BRD9: variants seen among roughly 807,000 people sequenced by gnomAD.
The protein encoded by BRD9 is bromodomain-containing protein 9.
A neutral mutation model predicts 68.7 loss-of-function variants in BRD9; 47 were observed. That is an observed-to-expected ratio of 0.68 (90% confidence interval 0.54 to 0.87). The LOEUF (loss-of-function observed/expected upper bound fraction) is 0.87. BRD9 is among the 40% of genes least tolerant of loss of function. BRD9 has a pLI of 0.00. For missense variants in BRD9, 670 were observed against 748.4 expected (o/e 0.90, Z 1.22); for synonymous variants, 313 against 293.9 (o/e 1.06, Z -0.67).
At position 891,808 on chromosome 5, in the gene BRD9, C is replaced by T; in HGVS notation, c.99G>A (p.Lys33=). The change falls in exon 2 of 16, where the codon AAG becomes AAA. Residue 33 remains lysine, a synonymous_variant. Transcript: ENST00000467963. ...PLEKPLKLVL[K]VGGSEVTELS... is the part of the protein sequence containing the mutation. ...GTTCAGTCACTTCACTTCCTCCGACCTTCAGGACTAGCTTTAGAGGCTTCT... is the reference window on the plus strand; with the variant it reads ...GTTCAGTCACTTCACTTCCTCCGACTTTCAGGACTAGCTTTAGAGGCTTCT... 1.3e-6 allele frequency: 2 copies of T among 1,551,640 alleles called. No individual in the cohort carries two copies. The highest frequency in any genetic ancestry group is 1.7e-6 in the Non-Finnish European group (2 of 1,146,996).
intron 8 of BRD9, chr5:883,431 C>T: frequency 2.2e-6 from 1 of 456,992 alleles, no homozygotes; most frequent in Non-Finnish European, 4.4e-6. Context: ...CCACTGAAGA[C>T]ACTGGGTCTA....
At chr5:865,750 G>A in intron 14 of BRD9, 169 bp from the exon 15 acceptor site, 1 of 694,342 alleles carries the variant, frequency 1.4e-6, no homozygotes, top group East Asian at 2.8e-5. Context: ...CTGGAGGACA[G>A]ACATTACCCT....
intron 7 of BRD9, among the ~76,000 whole-genome samples, chr5:884,401 C>G (rs1458421688): frequency 6.6e-6 from 1 of 152,246 alleles, no homozygotes; most frequent in Non-Finnish European, 1.5e-5. Flanking sequence ...AAGGCCCCAT[C>G]AGAAAAGTGA....
chr5:869,211 G>A, intron 14 of BRD9: 1 of 413,460 alleles, frequency 2.4e-6, no homozygotes, highest in East Asian at 7.4e-5. Context: ...GGAAAATGAG[G>A]TCAGGCCATG....
At chr5:892,105 T>C in intron 1 of BRD9, 2 of 558,728 alleles carry the variant, frequency 3.6e-6, no homozygotes, top group Non-Finnish European at 6.2e-6. Flanking sequence ...CTGTGGGATG[T>C]TGTTCACATT....
intron 8 of BRD9, chr5:882,961 A>C: frequency 3.6e-6 from 1 of 277,676 alleles, no homozygotes; most frequent in Non-Finnish European, 6.7e-6. Flanking sequence ...ACAACCTCCC[A>C]ACACACAAGC....
chr5:886,218 C>T (rs979203486), intron 7 of BRD9, among the ~76,000 whole-genome samples: 1 of 152,388 alleles, frequency 6.6e-6, no homozygotes, highest in East Asian at 1.9e-4. Context: ...ATGCTGGCTG[C>T]CCAAAGTCAG....
chr5:874,162 G>A (rs148536109), intron 12 of BRD9, among the ~76,000 whole-genome samples: 9 of 152,076 alleles, frequency 5.9e-5, no homozygotes, highest in South Asian at 2.1e-4. Context: ...GAGTGCGGTG[G>A]TGCAATCGCA....
chr5:864,423 A>G lies in BRD9; in HGVS notation c.*45T>C. ...ATGACAAAAACTCTACACGTGCAAA[A>G]TAAAACTAAAAAAATAAAATAAAAG... On this transcript the variant is annotated 3_prime_UTR_variant, in exon 16 of 16. Coordinates refer to ENST00000467963, the MANE Select transcript of BRD9 (RefSeq NM_023924.5). 6.7e-7 allele frequency: 1 copy of G among 1,502,222 alleles called. No homozygotes were observed. The highest frequency in any genetic ancestry group is 9.1e-7 in the Non-Finnish European group (1 of 1,102,750). 93.1% of individuals were successfully genotyped at this position (1,502,222 alleles called of 1,614,324 possible).
At chr5:869,362 T>G (rs1333330662) in intron 14 of BRD9, 1 of 456,158 alleles carries the variant, frequency 2.2e-6, no homozygotes, top group Admixed American at 2.3e-5. Flanking sequence ...CCGATCCGAC[T>G]TTAGTACAGC....
At chr5:886,122 G>A (rs932013273) in intron 7 of BRD9, among the ~76,000 whole-genome samples, 1 of 152,190 alleles carries the variant, frequency 6.6e-6, no homozygotes, top group African/African-American at 2.4e-5. Flanking sequence ...GCCTGCACCT[G>A]CTCCACTCCA....
chr5:886,883 T>C (rs868198337), intron 6 of BRD9, 176 bp from the exon 7 acceptor site: 5 of 1,153,154 alleles, frequency 4.3e-6, no homozygotes, highest in African/African-American at 1.6e-5. Context: ...GAGCTAACTT[T>C]CCACGGCGGA....
In BRD9 at chr5:876,212, G is replaced by C. The variant is rs757722002; in HGVS notation, c.1272C>G (p.Ser424Arg). The C allele has an allele frequency of 1.9e-6, 3 of 1,612,186 alleles. No individual in the cohort carries two copies. Among genetic ancestry groups the C allele is most frequent in the Middle Eastern group, 3.3e-4 (2 of 6,054 alleles). Residue 424 changes from serine to arginine, a missense_variant and splice_region_variant, in exon 12 of 16, where the codon AGC becomes AGG. Physicochemically the swap from Ser to Arg is moderately radical, Grantham distance 110. Transcript: ENST00000467963. Reference protein sequence around the residue: ...GDETGVQCALSLQEFVKDAGS... With the variant: ...GDETGVQCALRLQEFVKDAGS... ...CAGCATCCTTCACAAACTCCTGCAGGCTAGAGGGGCCGCGGGAGAAGGTAC... is the reference window on the plus strand; with the variant it reads ...CAGCATCCTTCACAAACTCCTGCAGCCTAGAGGGGCCGCGGGAGAAGGTAC...
intron 12 of BRD9, among the ~76,000 whole-genome samples, chr5:872,439 G>C (rs1373611288): frequency 6.6e-6 from 1 of 152,194 alleles, no homozygotes; most frequent in Non-Finnish European, 1.5e-5. Context: ...GGAAACCACA[G>C]AGCCTTCCCA....
rs778872586 is a variant in BRD9 at position 878,361 on chromosome 5, G to A, written c.1265C>T (p.Ala422Val). The change falls in exon 11 of 16, where the codon GCG becomes GTG. Residue 422 changes from alanine (A) to valine (V), a missense_variant. By Grantham distance (64) the Ala-to-Val change is moderately conservative. Around this residue, in one of 5 missense-constraint regions of BRD9, gnomAD observed 280 missense variants for 281.5 expected, o/e 0.99. Coordinates refer to ENST00000467963, the MANE Select transcript of BRD9 (RefSeq NM_023924.5). ...CCCCGGGGCCGACACTTGCCTCAGC[G>A]CACACTGCACGCCTGTCTCATCTCC... ...AYGDETGVQC[A>V]LSLQEFVKDA... 36 of 1,613,696 alleles carry A rather than the reference G, an allele frequency of 2.2e-5. No individual in the cohort carries two copies. The highest frequency in any genetic ancestry group is 2.5e-5 in the Non-Finnish European group (30 of 1,180,046).
At position 886,917 on chromosome 5, in the gene BRD9, C is replaced by T. The variant is rs532771152; in HGVS notation, c.718-210G>A. 1.2e-5 allele frequency: 10 copies of T among 806,270 alleles called. No homozygotes were observed. In the East Asian group the frequency reaches 2.5e-4, roughly 20 times the overall value. 49.9% of individuals were successfully genotyped at this position (806,270 alleles called of 1,614,324 possible). A position where few individuals can be genotyped will look rare whatever the true frequency, so the allele number is the denominator to read the frequency against. On this transcript the variant is annotated intron_variant, in intron 6 of 15. Coordinates refer to ENST00000467963, the MANE Select transcript of BRD9 (RefSeq NM_023924.5). Reference sequence around the variant, plus strand: ...GAGCAGCGGGAGGTGGTTGTGGGGGCTTGACCCACCGCCAGAGCGCGGCAG... The same window carrying T: ...GAGCAGCGGGAGGTGGTTGTGGGGGTTTGACCCACCGCCAGAGCGCGGCAG...
At chr5:888,618 G>GA (rs1299164920) in intron 5 of BRD9, among the ~76,000 whole-genome samples, 4 of 152,206 alleles carry the variant, frequency 2.6e-5, no homozygotes, top group Non-Finnish European at 4.4e-5. Context: ...TCAGGAGACA[G>GA]AAAAACTTAC....
At chr5:889,502 C>A (rs1469636921) in intron 4 of BRD9, 85 bp downstream of exon 4, 4 of 1,446,690 alleles carry the variant, frequency 2.8e-6, no homozygotes, top group Non-Finnish European at 3.8e-6. Flanking sequence ...TCACAGCTGA[C>A]GAGGCTGGCG....
In BRD9 at chr5:877,478, T is replaced by C. The variant is rs186334090; in HGVS notation, c.1271+877A>G. ...TATTTTTAAAACATATTCTGCATTCTTGTTGGAATAAAATGAAGACCTGAT... is the reference window on the plus strand; with the variant it reads ...TATTTTTAAAACATATTCTGCATTCCTGTTGGAATAAAATGAAGACCTGAT... On this transcript the variant is annotated intron_variant, in intron 11 of 15. Coordinates refer to ENST00000467963, the MANE Select transcript of BRD9 (RefSeq NM_023924.5). 3.9e-5 allele frequency among the ~76,000 whole-genome samples: 6 copies of C among 152,402 alleles called. No homozygotes were observed. In the East Asian group the frequency reaches 1.2e-3, roughly 29 times the overall value.
Sources: gnomAD v4.1 joint callset for allele counts (sites outside exome capture counted in the v4.1 genomes callset) on GRCh38, gnomAD v4.1.1 for gene constraint, gnomAD v4.1.1 regional missense constraint, MANE v1.5 for transcripts, NCBI Gene and HGNC (gene_info 2026-07-23, HGNC 2026-07-21) for gene names.